NSF: variants seen among roughly 807,000 people sequenced by gnomAD.
NSF encodes vesicle-fusing ATPase.
A neutral mutation model predicts 50.3 loss-of-function variants in NSF; 14 were observed. The ratio of observed to expected loss-of-function variants is 0.28; its 90% CI spans 0.18 to 0.44. NSF has a LOEUF of 0.44. NSF is among the 20% of genes least tolerant of loss of function. The pLI is 1.00. For missense variants in NSF, 218 were observed against 504.3 expected, an observed-to-expected ratio of 0.43 and a Z score of 5.44; for synonymous variants, 109 against 175.7, an observed-to-expected ratio of 0.62 and a Z score of 3.00.
chr17:46,715,893 T>A (rs1269872829), intron 15 of NSF, among the ~76,000 whole-genome samples: 2 of 152,198 alleles, frequency 1.3e-5, no homozygotes, highest in African/African-American at 4.8e-5. Context: ...TTGTTTTAAT[T>A]CATGATTCAC....
intron 15 of NSF, chr17:46,721,595 T>C (rs2058831249): frequency 6.4e-7 from 1 of 1,562,684 alleles, no homozygotes; most frequent in East Asian, 2.2e-5. Flanking sequence ...CAATTGAAAC[T>C]CTGGGAATTC....
chr17:46,631,017 A>C (rs1323686555), intron 4 of NSF, among the ~76,000 whole-genome samples: 1 of 135,310 alleles, frequency 7.4e-6, no homozygotes, highest in Non-Finnish European at 1.5e-5. Context: ...TTTCTTTATC[A>C]TTCTGGCTCC....
chr17:46,708,843 T>G (rs2058688326), intron 13 of NSF, among the ~76,000 whole-genome samples: 1 of 107,908 alleles, frequency 9.3e-6, no homozygotes, highest in South Asian at 3.3e-4. Flanking sequence ...TTTTTTTTTT[T>G]GAGACTGAGT....
chr17:46,675,718 TA>T (rs1442704983), intron 9 of NSF, among the ~76,000 whole-genome samples: 1 of 129,796 alleles, frequency 7.7e-6, no homozygotes, highest in Non-Finnish European at 1.5e-5. Flanking sequence ...AATACTAACA[TA>T]TTTTTTTCAT....
At chr17:46,751,455 A>C in intron 18 of NSF, 48 bp from the exon 19 acceptor site, 1 of 1,289,156 alleles carries the variant, frequency 7.8e-7, no homozygotes, top group East Asian at 2.3e-5. Context: ...ACCAATGTTG[A>C]TGTGTTCACT....
At chr17:46,707,157 T>A (rs1196472967) in intron 13 of NSF, among the ~76,000 whole-genome samples, 1 of 152,054 alleles carries the variant, frequency 6.6e-6, no homozygotes, top group African/African-American at 2.4e-5. Flanking sequence ...AGCCTCAGAT[T>A]TAATTTTTGC....
chr17:46,657,130 A>G (rs370289426), intron 8 of NSF, among the ~76,000 whole-genome samples: 1 of 82,058 alleles, frequency 1.2e-5, no homozygotes, highest in African/African-American at 4.7e-5. Context: ...GTTTTTTACT[A>G]TTATACACTA....
intron 12 of NSF, among the ~76,000 whole-genome samples, chr17:46,695,204 C>T (rs2058583974): frequency 1.5e-5 from 2 of 132,486 alleles, no homozygotes; most frequent in Non-Finnish European, 3.2e-5. Flanking sequence ...TGAGATTGCG[C>T]CACTGCACTC....
chr17:46,731,833 C>T (rs566731993), intron 17 of NSF, among the ~76,000 whole-genome samples: 2 of 152,170 alleles, frequency 1.3e-5, no homozygotes, highest in East Asian at 1.9e-4. Flanking sequence ...GAATCAGTAA[C>T]AGGATAAATT....
rs945366689 is a variant in NSF, at chr17:46,756,544, T to C, written c.*721T>C. On this transcript the variant is annotated 3_prime_UTR_variant, in exon 21 of 21. Coordinates refer to ENST00000398238, the MANE Select transcript of NSF (RefSeq NM_006178.4). ...GCTCATTATTACCACTTAGAAGATGTTGTTAAAAACATGTGAAAGATAGGT... is the reference window on the plus strand; with the variant it reads ...GCTCATTATTACCACTTAGAAGATGCTGTTAAAAACATGTGAAAGATAGGT... 2.0e-5 allele frequency: 3 copies of C among 152,082 alleles called. No homozygotes were observed. The highest frequency in any genetic ancestry group is 7.2e-5 in the African/African-American group (3 of 41,436). The allele number at this position is 152,082 out of a possible 1,614,324, so 9.4% of individuals were successfully genotyped here. A position where few individuals can be genotyped will look rare whatever the true frequency, so the allele number is the denominator to read the frequency against.
intron 9 of NSF, among the ~76,000 whole-genome samples, chr17:46,677,967 A>ATAC (rs1284193039): frequency 1.4e-5 from 2 of 146,800 alleles, no homozygotes; most frequent in Non-Finnish European, 2.9e-5. Flanking sequence ...AGGAGTAGAC[A>ATAC]TACTCTCACT....
chr17:46,635,871 C>T (rs538114969), intron 4 of NSF, among the ~76,000 whole-genome samples: 5 of 119,832 alleles, frequency 4.2e-5, no homozygotes, highest in African/African-American at 1.3e-4. Flanking sequence ...TCTTACTAGG[C>T]GTAATCAAGT....
chr17:46,746,001 T>C (rs1369709239), intron 17 of NSF, among the ~76,000 whole-genome samples: 1 of 152,214 alleles, frequency 6.6e-6, no homozygotes, highest in Non-Finnish European at 1.5e-5. Context: ...ACTCAACTCA[T>C]GTATCATCTC....
intron 1 of NSF, among the ~76,000 whole-genome samples, chr17:46,601,643 CA>C (rs2057911151): frequency 6.8e-6 from 1 of 147,170 alleles, no homozygotes; most frequent in Non-Finnish European, 1.5e-5. Context: ...TACTGATTTG[CA>C]ATGCTATCTC....
chr17:46,678,504 A>G (rs562009774), intron 9 of NSF, among the ~76,000 whole-genome samples: 1 of 151,538 alleles, frequency 6.6e-6, no homozygotes, highest in African/African-American at 2.4e-5. Context: ...AGAGAGAGAG[A>G]GAGAGAATAC....
intron 8 of NSF, among the ~76,000 whole-genome samples, chr17:46,673,909 G>GAT (rs1377309593): frequency 1.1e-4 from 1 of 9,290 alleles, no homozygotes; most frequent in East Asian, 1.8e-3. Flanking sequence ...TATTCCATGG[G>GAT]GGTGTGTGTG....
In NSF at chr17:46,751,572, A is replaced by T. The variant is rs529221896; in HGVS notation, c.2113A>T (p.Ile705Leu). 5 of 1,614,124 alleles carry T rather than the reference A, an allele frequency of 3.1e-6. No homozygotes were observed. In the East Asian group the frequency reaches 1.1e-4, roughly 36 times the overall value. The part of the protein sequence containing the change: ...AQQVKGKKVW[I>L]GIKKLLMLIE... ...GCAAGTCAAAGGGAAGAAGGTCTGG[A>T]TAGGAATCAAGAAGTTACTAATGCT... The change falls in exon 19 of 21, where the codon ATA becomes TTA. Residue 705 changes from isoleucine to leucine, a missense_variant. Physicochemically the swap from Ile to Leu is conservative, Grantham distance 5. Coordinates refer to ENST00000398238, the MANE Select transcript of NSF (RefSeq NM_006178.4).
At chr17:46,687,129 C>T (rs2146219843) in intron 9 of NSF, among the ~76,000 whole-genome samples, 1 of 46,318 alleles carries the variant, frequency 2.2e-5, no homozygotes, top group South Asian at 8.8e-4. Flanking sequence ...TTTTTTTATT[C>T]CCCCTTTTCT....
intron 16 of NSF, among the ~76,000 whole-genome samples, chr17:46,728,106 G>T (rs1182127828): frequency 6.6e-6 from 1 of 152,138 alleles, no homozygotes; most frequent in African/African-American, 2.4e-5. Flanking sequence ...TCTAAGCCCA[G>T]GGCAGAGGTG....
Sources: allele counts gnomAD v4.1 joint callset (sites outside exome capture counted in the v4.1 genomes callset), GRCh38; gene constraint gnomAD v4.1.1; transcripts MANE v1.5; gene names NCBI Gene and HGNC (gene_info 2026-07-23, HGNC 2026-07-21).